The following KHDRBS3 variants were observed in gnomAD, a reference collection of about 807,000 sequenced individuals.
KHDRBS3 encodes KH RNA binding domain containing, signal transduction associated 3, also known as KH domain-containing, RNA-binding, signal transduction-associated protein 3.
KHDRBS3 carries 23 observed loss-of-function variants against 45.6 expected under a neutral mutation model. The observed-to-expected ratio is 0.50, with a 90% CI of 0.36 to 0.72. The LOEUF (loss-of-function observed/expected upper bound fraction) is 0.72, where lower values mean the gene tolerates loss of function less well. KHDRBS3 is among the 30% of genes least tolerant of loss of function. The pLI is 0.00. For synonymous variants in KHDRBS3, 162 were observed against 156.5 expected, an observed-to-expected ratio of 1.04 and a Z score of -0.26; for missense variants, 352 against 424.8, an observed-to-expected ratio of 0.83 and a Z score of 1.51.
At chr8:135,487,487 G>A (rs757489579) in intron 1 of KHDRBS3, among the ~76,000 whole-genome samples, 4 of 152,178 alleles carry the variant, frequency 2.6e-5, no homozygotes, top group Non-Finnish European at 4.4e-5. Context: ...CTTTCAAGAT[G>A]TACATAGACA....
At chr8:135,522,730 A>T (rs879492030) in intron 2 of KHDRBS3, among the ~76,000 whole-genome samples, 15 of 152,172 alleles carry the variant, frequency 9.9e-5, no homozygotes, top group Admixed American at 9.2e-4. Flanking sequence ...AACCTCAAGG[A>T]AATGTTAGAG....
intron 2 of KHDRBS3, among the ~76,000 whole-genome samples, chr8:135,530,909 C>A (rs1285134770): frequency 2.6e-5 from 4 of 152,134 alleles, no homozygotes; most frequent in Non-Finnish European, 5.9e-5. Flanking sequence ...TCACCCCTTA[C>A]CCTATCGATT....
chr8:135,636,565 AG>A (rs1224000511), intron 7 of KHDRBS3, among the ~76,000 whole-genome samples: 3 of 152,188 alleles, frequency 2.0e-5, no homozygotes. Flanking sequence ...CCACTACCCT[AG>A]GCTATTTTGA....
intron 4 of KHDRBS3, among the ~76,000 whole-genome samples, chr8:135,551,318 G>T (rs1244369787): frequency 6.6e-6 from 1 of 152,014 alleles, no homozygotes; most frequent in African/African-American, 2.4e-5. Flanking sequence ...AACCGTGAAT[G>T]CAGTGTTGTT....
chr8:135,519,599 A>T (rs774665901), intron 1 of KHDRBS3, among the ~76,000 whole-genome samples: 16 of 152,238 alleles, frequency 1.1e-4, no homozygotes, highest in Non-Finnish European at 2.1e-4. Flanking sequence ...TTTAGAACCA[A>T]ATCGTTGGAT....
At chr8:135,483,690 C>T (rs571794082) in intron 1 of KHDRBS3, among the ~76,000 whole-genome samples, 25 of 152,234 alleles carry the variant, frequency 1.6e-4, no homozygotes, top group African/African-American at 5.8e-4. Context: ...CTGGTTCTGT[C>T]CCCTGCATGG....
At chr8:135,523,976 C>A (rs1825047260) in intron 2 of KHDRBS3, among the ~76,000 whole-genome samples, 1 of 151,996 alleles carries the variant, frequency 6.6e-6, no homozygotes, top group Admixed American at 6.6e-5. Flanking sequence ...TTATATAGTG[C>A]TGGATTCGGT....
chr8:135,542,482 C>A, intron 2 of KHDRBS3, 172 bp from the exon 3 acceptor site: 1 of 506,298 alleles, frequency 2.0e-6, no homozygotes, highest in Admixed American at 3.6e-5. Context: ...TTACGTTTAG[C>A]CCCGTTTTAT....
chr8:135,587,636 A>T (rs1700456615), intron 6 of KHDRBS3, among the ~76,000 whole-genome samples: 1 of 152,236 alleles, frequency 6.6e-6, no homozygotes, highest in African/African-American at 2.4e-5. Context: ...CAAATAATTA[A>T]ATAACTGACA....
At chr8:135,546,459 A>G (rs148490574) in intron 3 of KHDRBS3, among the ~76,000 whole-genome samples, 203 of 152,352 alleles carry the variant, frequency 1.3e-3, no homozygotes, top group Middle Eastern at 3.4e-3. Context: ...ACATAGCATA[A>G]TAATCATGAC....
intron 2 of KHDRBS3, chr8:135,540,345 C>T (rs1459576702): frequency 6.6e-6 from 1 of 152,138 alleles, no homozygotes; most frequent in Non-Finnish European, 1.5e-5. Flanking sequence ...CGAGAGCGCT[C>T]AGGAATTGTA....
chr8:135,469,521 TG>T (rs542623644), intron 1 of KHDRBS3, among the ~76,000 whole-genome samples: 9,661 of 33,084 alleles, frequency 0.29, 661 homozygotes, highest in African/African-American at 0.37. Flanking sequence ...TTTTTTGTTT[TG>T]GTTTTTTTTT....
chr8:135,550,749 T>C (rs1467671574), intron 4 of KHDRBS3, among the ~76,000 whole-genome samples: 1 of 152,098 alleles, frequency 6.6e-6, no homozygotes, highest in Admixed American at 6.6e-5. Context: ...CTTCTTAATT[T>C]CTATTAAAAA....
Position 135,457,819 on chromosome 8 carries a change from C to T in KHDRBS3, c.-48C>T, listed in dbSNP as rs762988853. The T allele has an allele frequency of 1.5e-6, 2 of 1,310,770 alleles. No individual in the cohort carries two copies. Among genetic ancestry groups the T allele is most frequent in the South Asian group, 1.4e-5 (1 of 71,470 alleles). 81.2% of individuals were successfully genotyped at this position (1,310,770 alleles called of 1,614,324 possible). A position where few individuals can be genotyped will look rare whatever the true frequency, so the allele number is the denominator to read the frequency against. On this transcript the variant is annotated 5_prime_UTR_variant, in exon 1 of 9. Coordinates refer to ENST00000355849, the MANE Select transcript of KHDRBS3 (RefSeq NM_006558.3). This position sits in a 1 kb window ranked among gnomAD's most constrained non-coding sequence, Gnocchi z 4.4. ...CGGGGTCGGGGGTTGCCGGGCGCCG[C>T]CCCCCGTGCGCCTGGAGTCCACATC...
chr8:135,540,998 C>T (rs1164339657), intron 2 of KHDRBS3: 1 of 152,152 alleles, frequency 6.6e-6, no homozygotes, highest in Non-Finnish European at 1.5e-5. Flanking sequence ...CTGCTGTCAT[C>T]AATATCTTCA....
At chr8:135,529,410 C>G (rs1263895028) in intron 2 of KHDRBS3, among the ~76,000 whole-genome samples, 1 of 152,166 alleles carries the variant, frequency 6.6e-6, no homozygotes, top group African/African-American at 2.4e-5. Flanking sequence ...GAATTAAAAT[C>G]TTAACGTTTG....
rs563419079 is a variant in KHDRBS3 at position 135,580,364 on chromosome 8, C to G, written c.612-1514C>G. On this transcript the variant is annotated intron_variant, in intron 5 of 8. Coordinates refer to ENST00000355849, the MANE Select transcript of KHDRBS3 (RefSeq NM_006558.3). ...TAATATTTGACAAAATTCATTGAAA[C>G]CATATGGAGTTGATGCTTTCTTTTT... Among the ~76,000 whole-genome samples the G allele has an allele frequency of 4.0e-4, 61 of 152,120 alleles. 1 individual carries two copies. The highest frequency in any genetic ancestry group is 4.0e-4 in the Non-Finnish European group (27 of 68,010).
At chr8:135,509,385 C>T (rs755531499) in intron 1 of KHDRBS3, among the ~76,000 whole-genome samples, 5 of 152,086 alleles carry the variant, frequency 3.3e-5, no homozygotes, top group Admixed American at 1.3e-4. Context: ...ATTTCTGTCC[C>T]GGCACTCTGA....
At chr8:135,625,775 G>A (rs768734342) in intron 7 of KHDRBS3, 67 of 765,888 alleles carry the variant, frequency 8.7e-5, no homozygotes, top group Middle Eastern at 3.6e-4. Flanking sequence ...GGATGCACCC[G>A]TGTTCTAGCT....
Sources: allele counts gnomAD v4.1 joint callset (sites outside exome capture counted in the v4.1 genomes callset), GRCh38; gene constraint gnomAD v4.1.1; non-coding constraint Gnocchi (gnomAD v3.1); transcripts MANE v1.5; gene names NCBI Gene and HGNC (gene_info 2026-07-23, HGNC 2026-07-21).